The following RIMS1 variants were observed in gnomAD, a reference collection of about 807,000 sequenced individuals.
The protein encoded by RIMS1 is regulating synaptic membrane exocytosis protein 1.
In RIMS1, 83 loss-of-function variants were observed where a neutral mutation model predicts 214.1. That is an observed-to-expected ratio of 0.39 (90% confidence interval 0.32 to 0.47). RIMS1 has a LOEUF of 0.47. RIMS1 is among the 20% of genes least tolerant of loss of function. The pLI is 0.99. For missense variants in RIMS1, 2,050 were observed against 2,161.8 expected, an observed-to-expected ratio of 0.95 and a Z score of 1.03; for synonymous variants, 793 against 786.8, an observed-to-expected ratio of 1.01 and a Z score of -0.13.
intron 28 of RIMS1, among the ~76,000 whole-genome samples, chr6:72,319,908 T>C (rs567413288): frequency 1.3e-5 from 2 of 152,288 alleles, no homozygotes; most frequent in South Asian, 4.1e-4. Context: ...TGAAATAGTG[T>C]ATATCAGAAT....
intron 6 of RIMS1, among the ~76,000 whole-genome samples, chr6:72,206,853 A>G (rs1447430176): frequency 6.6e-6 from 1 of 152,136 alleles, no homozygotes; most frequent in East Asian, 1.9e-4. Context: ...CATCTGCACT[A>G]CCTTTCAGTG....
At chr6:72,264,864 C>T in intron 19 of RIMS1, 111 bp from the exon 20 acceptor site, 1 of 601,264 alleles carries the variant, frequency 1.7e-6, no homozygotes, top group Non-Finnish European at 2.8e-6. Flanking sequence ...AAAAAATGAC[C>T]AAAGATTTAT....
intron 2 of RIMS1, among the ~76,000 whole-genome samples, chr6:72,011,568 G>T (rs971898492): frequency 2.0e-5 from 3 of 152,148 alleles, no homozygotes; most frequent in South Asian, 2.1e-4. Context: ...GAAAATTTTT[G>T]CAATCTACTC....
At chr6:71,931,589 G>A (rs1021255407) in intron 1 of RIMS1, among the ~76,000 whole-genome samples, 1 of 151,746 alleles carries the variant, frequency 6.6e-6, no homozygotes, top group Non-Finnish European at 1.5e-5. Context: ...CTTTTTAATA[G>A]GGTTCTTTTT....
At chr6:71,964,346 G>A (rs1022407693) in intron 1 of RIMS1, among the ~76,000 whole-genome samples, 1 of 152,110 alleles carries the variant, frequency 6.6e-6, no homozygotes, top group Non-Finnish European at 1.5e-5. Context: ...GGTAGAGGTG[G>A]CAGGACCTGA....
At chr6:72,193,194 G>T (rs1490657744) in intron 6 of RIMS1, among the ~76,000 whole-genome samples, 1 of 152,226 alleles carries the variant, frequency 6.6e-6, no homozygotes, top group East Asian at 1.9e-4. Context: ...CTGATGTGAA[G>T]AACTTATTGC....
At chr6:72,005,426 A>G (rs1024801707) in intron 2 of RIMS1, among the ~76,000 whole-genome samples, 1 of 152,190 alleles carries the variant, frequency 6.6e-6, no homozygotes, top group Admixed American at 6.5e-5. Flanking sequence ...TGGTAGCTTC[A>G]AAGTGATTTT....
At chr6:72,365,631 A>C (rs148029521) in intron 29 of RIMS1, 16 of 152,362 alleles carry the variant, frequency 1.1e-4, no homozygotes, top group African/African-American at 3.8e-4. Flanking sequence ...TAGAACAGGC[A>C]TAAACCAGGA....
intron 6 of RIMS1, 54 bp from the exon 7 acceptor site, chr6:72,233,719 A>G (rs2062921067): frequency 2.4e-6 from 3 of 1,272,250 alleles, no homozygotes; most frequent in Non-Finnish European, 3.4e-6. Context: ...GCTTAAAGTG[A>G]TACACTCTTC....
chr6:72,042,228 G>T (rs1821650199), intron 2 of RIMS1, among the ~76,000 whole-genome samples: 1 of 151,778 alleles, frequency 6.6e-6, no homozygotes, highest in Non-Finnish European at 1.5e-5. Flanking sequence ...GTAGAAAGAG[G>T]TCTCTGCTGC....
intron 2 of RIMS1, among the ~76,000 whole-genome samples, chr6:71,982,996 AC>A (rs1798876073): frequency 6.6e-6 from 1 of 151,698 alleles, no homozygotes; most frequent in African/African-American, 2.4e-5. Flanking sequence ...TTCTATTTCT[AC>A]CCCGAGCTTT....
chr6:72,395,323 A>C (rs1007924507), intron 31 of RIMS1, among the ~76,000 whole-genome samples: 2 of 152,080 alleles, frequency 1.3e-5, no homozygotes, highest in Admixed American at 1.3e-4. Flanking sequence ...CAATCTGTAC[A>C]AAACAAACAA....
At chr6:72,106,600 C>T (rs1462147971) in intron 4 of RIMS1, among the ~76,000 whole-genome samples, 1 of 152,162 alleles carries the variant, frequency 6.6e-6, no homozygotes, top group African/African-American at 2.4e-5. Context: ...TAAGTCAAGC[C>T]TCAGATCGGT....
At chr6:72,040,123 G>A (rs1256855401) in intron 2 of RIMS1, among the ~76,000 whole-genome samples, 1 of 152,004 alleles carries the variant, frequency 6.6e-6, no homozygotes, top group East Asian at 1.9e-4. Context: ...TATGATACTG[G>A]ATAGAAGGTA....
At chr6:72,243,923 T>C (rs979624460) in intron 10 of RIMS1, among the ~76,000 whole-genome samples, 3 of 151,184 alleles carry the variant, frequency 2.0e-5, no homozygotes, top group Admixed American at 6.6e-5. Flanking sequence ...CAACTTTCTT[T>C]CTAGTGAATA....
intron 2 of RIMS1, among the ~76,000 whole-genome samples, chr6:72,053,803 T>C (rs965860821): frequency 1.3e-5 from 2 of 152,158 alleles, no homozygotes; most frequent in Non-Finnish European, 2.9e-5. Flanking sequence ...ATATATGACA[T>C]GAATAAGTTT....
intron 6 of RIMS1, among the ~76,000 whole-genome samples, chr6:72,192,931 A>G (rs938811231): frequency 2.6e-5 from 4 of 152,156 alleles, no homozygotes; most frequent in African/African-American, 9.7e-5. Flanking sequence ...CTTTGGCAGT[A>G]CCCACACAGA....
In RIMS1 at chr6:72,203,757, G is replaced by A. The variant is rs371445172; in HGVS notation, c.1678+20608G>A. 1.5e-3 allele frequency among the ~76,000 whole-genome samples: 235 copies of A among 152,304 alleles called. 12 individuals are homozygous for A. The South Asian group carries it at 0.046, about 30-fold the overall frequency. The stretch of plus-strand genomic sequence containing the variant: ...GTGTAGTTGAATAAGTTCAGTGCAC[G>A]TTGCAATCACTTGAGGGAGGAGATT... On this transcript the variant is annotated intron_variant, in intron 6 of 33. Transcript: ENST00000521978.
chr6:71,968,976 G>T lies in RIMS1; in HGVS notation c.165-7G>T. The T allele has an allele frequency of 6.2e-7, 1 of 1,613,360 alleles. No homozygotes were observed. The highest frequency in any genetic ancestry group is 8.5e-7 in the Non-Finnish European group (1 of 1,179,418). ...TAGTGCGTTGTGCTGTCTATCATGCGCCCCAGGTGTGTTGTCAGGGACATG... is the reference window on the plus strand; with the variant it reads ...TAGTGCGTTGTGCTGTCTATCATGCTCCCCAGGTGTGTTGTCAGGGACATG... On this transcript the variant is annotated splice_region_variant and splice_polypyrimidine_tract_variant and intron_variant, in intron 1 of 33. Coordinates refer to ENST00000521978, the MANE Select transcript of RIMS1 (RefSeq NM_014989.7).
Sources: allele counts gnomAD v4.1 joint callset (sites outside exome capture counted in the v4.1 genomes callset), GRCh38; gene constraint gnomAD v4.1.1; transcripts MANE v1.5; gene names NCBI Gene and HGNC (gene_info 2026-07-23, HGNC 2026-07-21).